The following PTPRD variants were observed in gnomAD, a reference collection of about 807,000 sequenced individuals.
The protein encoded by PTPRD is protein tyrosine phosphatase receptor type D.
Under a neutral mutation model 214.5 loss-of-function variants are expected in PTPRD, and 34 were observed. The observed-to-expected ratio is 0.16, with a 90% CI of 0.12 to 0.21. The LOEUF (loss-of-function observed/expected upper bound fraction) is 0.21, where lower values mean the gene tolerates loss of function less well. Among genes scored for constraint, PTPRD ranks in the 10% least tolerant of loss-of-function variants. The probability of loss-of-function intolerance (pLI) is 1.00; values close to 1 mark genes in which losing one functional copy is unlikely to be tolerated. For synonymous variants in PTPRD, 1,128 were observed against 845.7 expected, an observed-to-expected ratio of 1.33 and a Z score of -5.79; for missense variants, 2,545 against 2,398.7, an observed-to-expected ratio of 1.06 and a Z score of -1.27.
At chr9:9,393,356 T>A (rs1378777332) in intron 9 of PTPRD, among the ~76,000 whole-genome samples, 1 of 152,150 alleles carries the variant, frequency 6.6e-6, no homozygotes, top group Non-Finnish European at 1.5e-5. Context: ...TTTGCAAAAC[T>A]CCTTGGAGCT....
chr9:9,765,073 T>G (rs2098695437), intron 6 of PTPRD, among the ~76,000 whole-genome samples: 2 of 152,166 alleles, frequency 1.3e-5, no homozygotes, highest in Admixed American at 1.3e-4. Flanking sequence ...TGTCTGGCAG[T>G]GCACGTCAGC....
chr9:8,906,024 A>AC (rs1289163537), intron 11 of PTPRD, among the ~76,000 whole-genome samples: 1 of 152,202 alleles, frequency 6.6e-6, no homozygotes. Flanking sequence ...TTTCATTTTC[A>AC]TATGTGTAGA....
At chr9:9,691,671 T>C (rs1327419153) in intron 7 of PTPRD, among the ~76,000 whole-genome samples, 1 of 152,124 alleles carries the variant, frequency 6.6e-6, no homozygotes, top group African/African-American at 2.4e-5. Flanking sequence ...GTATGACAGC[T>C]ATATTTTTAG....
intron 4 of PTPRD, among the ~76,000 whole-genome samples, chr9:9,973,776 CT>C (rs200455016): frequency 2.9e-4 from 43 of 150,224 alleles, no homozygotes; most frequent in African/African-American, 5.6e-4. Flanking sequence ...AGTAAGGAGT[CT>C]TTTTTTTTCA....
At chr9:9,167,669 C>T (rs1271626014) in intron 10 of PTPRD, among the ~76,000 whole-genome samples, 2 of 151,914 alleles carry the variant, frequency 1.3e-5, no homozygotes, top group Non-Finnish European at 2.9e-5. Context: ...GCACAAGAAT[C>T]GCTTGATCCA....
chr9:9,127,125 C>T (rs1345887727), intron 10 of PTPRD, among the ~76,000 whole-genome samples: 1 of 152,094 alleles, frequency 6.6e-6, no homozygotes, highest in Non-Finnish European at 1.5e-5. Flanking sequence ...GGTACCCACA[C>T]ACACACTCAG....
chr9:9,363,006 T>G (rs891912059), intron 9 of PTPRD, among the ~76,000 whole-genome samples: 1 of 151,212 alleles, frequency 6.6e-6, no homozygotes, highest in Non-Finnish European at 1.5e-5. Flanking sequence ...AGCTCCAGTT[T>G]ATTAAATACT....
chr9:8,847,114 T>C (rs1453095639), intron 11 of PTPRD, among the ~76,000 whole-genome samples: 1 of 152,070 alleles, frequency 6.6e-6, no homozygotes, highest in East Asian at 1.9e-4. Context: ...CAAGTGTAAC[T>C]GAGAGAAAAC....
intron 2 of PTPRD, among the ~76,000 whole-genome samples, chr9:10,604,004 A>C (rs995487533): frequency 3.3e-5 from 5 of 151,968 alleles, no homozygotes; most frequent in African/African-American, 1.2e-4. Context: ...CACACCCTTT[A>C]ATTGTTCATA....
At chr9:9,511,289 A>G (rs2096702628) in intron 8 of PTPRD, among the ~76,000 whole-genome samples, 2 of 151,906 alleles carry the variant, frequency 1.3e-5, no homozygotes, top group African/African-American at 2.4e-5. Context: ...AGGTATTGAC[A>G]AATTGGTAAC....
At chr9:8,335,070 C>A (rs1587940217) in intron 43 of PTPRD, among the ~76,000 whole-genome samples, 1 of 152,132 alleles carries the variant, frequency 6.6e-6, no homozygotes, top group East Asian at 1.9e-4. Flanking sequence ...ACCAGAGGTA[C>A]AAAGAGGAGT....
intron 2 of PTPRD, among the ~76,000 whole-genome samples, chr9:10,448,041 G>A (rs2098811582): frequency 6.6e-6 from 1 of 151,954 alleles, no homozygotes; most frequent in Admixed American, 6.6e-5. Context: ...ATAAGTGCAT[G>A]TATAAGTATC....
chr9:9,970,527 C>G (rs772312582), intron 4 of PTPRD, among the ~76,000 whole-genome samples: 2 of 151,812 alleles, frequency 1.3e-5, no homozygotes, highest in African/African-American at 2.4e-5. Flanking sequence ...AGACATGGCT[C>G]TTAGTGCAGC....
At chr9:8,637,905 T>C (rs927917289) in intron 12 of PTPRD, among the ~76,000 whole-genome samples, 3 of 152,140 alleles carry the variant, frequency 2.0e-5, no homozygotes, top group Admixed American at 2.0e-4. Flanking sequence ...CAGAGTTATA[T>C]GTGGGGATAG....
At chr9:9,594,554 T>A (rs2093088740) in intron 7 of PTPRD, among the ~76,000 whole-genome samples, 1 of 152,086 alleles carries the variant, frequency 6.6e-6, no homozygotes, top group African/African-American at 2.4e-5. Flanking sequence ...TATGTTTTTG[T>A]TTGCTTTGTC....
At chr9:8,825,427 G>C (rs1052483175) in intron 11 of PTPRD, among the ~76,000 whole-genome samples, 9 of 152,090 alleles carry the variant, frequency 5.9e-5, no homozygotes, top group African/African-American at 1.9e-4. Context: ...CTTACAACTA[G>C]TTTTTAAAAT....
In PTPRD at chr9:10,115,317, T is replaced by G. The variant is rs373628955; in HGVS notation, c.-544-81527A>C. Among the ~76,000 whole-genome samples, 22 of 152,214 alleles carry G rather than the reference T, an allele frequency of 1.4e-4. No homozygotes were observed. The East Asian group carries it at 4.1e-3, about 28-fold the overall frequency. The stretch of plus-strand genomic sequence containing the variant: ...TTAAGTATGATACATATTTATTGAA[T>G]TATAGAGAGTCATAATATGGAATGT... On this transcript the variant is annotated intron_variant, in intron 3 of 45. Coordinates refer to ENST00000381196, the MANE Select transcript of PTPRD (RefSeq NM_002839.4).
At chr9:9,689,343 A>G (rs2097221529) in intron 7 of PTPRD, among the ~76,000 whole-genome samples, 1 of 151,898 alleles carries the variant, frequency 6.6e-6, no homozygotes, top group African/African-American at 2.4e-5. Flanking sequence ...AAAATATGGA[A>G]TTAATGTCAA....
chr9:9,244,635 T>C (rs567318045), intron 9 of PTPRD, among the ~76,000 whole-genome samples: 5 of 152,122 alleles, frequency 3.3e-5, no homozygotes, highest in East Asian at 1.9e-4. Context: ...CAAAAATTAA[T>C]TCAAGATGGA....
Sources: gnomAD v4.1 joint callset for allele counts (sites outside exome capture counted in the v4.1 genomes callset) on GRCh38, gnomAD v4.1.1 for gene constraint, MANE v1.5 for transcripts, NCBI Gene and HGNC (gene_info 2026-07-23, HGNC 2026-07-21) for gene names.